Variants in SMAP1 observed in about 807,000 individuals in gnomAD.
SMAP1 encodes the protein small ArfGAP 1.
In SMAP1, 24 loss-of-function variants were observed where a neutral mutation model predicts 58.5. The ratio of observed to expected loss-of-function variants is 0.41; its 90% confidence interval spans 0.30 to 0.58. SMAP1 has a LOEUF of 0.58. Among genes scored for constraint, SMAP1 ranks in the 20% least tolerant of loss-of-function variants. SMAP1 has a pLI of 0.29. For missense variants in SMAP1, 563 were observed against 566.3 expected, an observed-to-expected ratio of 0.99 and a Z score of 0.06; for synonymous variants, 216 against 196.6, an observed-to-expected ratio of 1.10 and a Z score of -0.82.
chr6:70,781,069 A>G (rs191826954), intron 4 of SMAP1, among the ~76,000 whole-genome samples: 13 of 152,310 alleles, frequency 8.5e-5, no homozygotes, highest in Non-Finnish European at 1.5e-4. Flanking sequence ...AAGAGTTTAT[A>G]TCATTGGAGA....
At chr6:70,753,383 T>C (rs1237323544) in intron 2 of SMAP1, among the ~76,000 whole-genome samples, 3 of 152,202 alleles carry the variant, frequency 2.0e-5, no homozygotes, top group Non-Finnish European at 4.4e-5. Context: ...TCTGAATTAC[T>C]TTTTGCTTCA....
At chr6:70,804,090 T>C (rs939131318) in intron 6 of SMAP1, among the ~76,000 whole-genome samples, 1 of 152,190 alleles carries the variant, frequency 6.6e-6, no homozygotes, top group Non-Finnish European at 1.5e-5. Flanking sequence ...CAGTGGGGTG[T>C]TAAAGTCTCC....
At chr6:70,836,409 C>A (rs949062645) in intron 6 of SMAP1, among the ~76,000 whole-genome samples, 1 of 152,088 alleles carries the variant, frequency 6.6e-6, no homozygotes, top group Non-Finnish European at 1.5e-5. Context: ...TCCCACAACA[C>A]ATGGGAATTA....
chr6:70,710,636 T>C (rs1467336211), intron 1 of SMAP1, among the ~76,000 whole-genome samples: 1 of 152,130 alleles, frequency 6.6e-6, no homozygotes, highest in Non-Finnish European at 1.5e-5. Context: ...GACATTACTG[T>C]AGGCTTTGTA....
chr6:70,698,130 A>G (rs772432472), intron 1 of SMAP1, among the ~76,000 whole-genome samples: 1 of 152,080 alleles, frequency 6.6e-6, no homozygotes, highest in African/African-American at 2.4e-5. Flanking sequence ...TTGTCTGGCA[A>G]TGTCTTTATT....
chr6:70,764,079 AT>A (rs796149089), intron 3 of SMAP1, among the ~76,000 whole-genome samples: 222 of 142,812 alleles, frequency 1.6e-3, no homozygotes, highest in Middle Eastern at 3.7e-3. Flanking sequence ...TGCCCAGCTA[AT>A]TTTTTTTTTT....
At chr6:70,706,834 T>G (rs1767859542) in intron 1 of SMAP1, among the ~76,000 whole-genome samples, 1 of 152,190 alleles carries the variant, frequency 6.6e-6, no homozygotes, top group African/African-American at 2.4e-5. Context: ...GGATCTAGAA[T>G]TCACGAATAA....
chr6:70,680,712 GTTTTTTTTTTTT>G (rs34867967), intron 1 of SMAP1, among the ~76,000 whole-genome samples: 3 of 78,980 alleles, frequency 3.8e-5, no homozygotes, highest in Non-Finnish European at 6.7e-5. Context: ...TGGATTTCCT[GTTTTTTTTTTTT>G]TTTTTTTTTT....
intron 1 of SMAP1, among the ~76,000 whole-genome samples, chr6:70,697,041 C>T (rs1157758929): frequency 2.6e-5 from 4 of 152,122 alleles, no homozygotes; most frequent in African/African-American, 9.7e-5. Context: ...CCAATATAAG[C>T]TACTCCTGCT....
intron 10 of SMAP1, chr6:70,859,141 A>G (rs1562207927): frequency 7.8e-6 from 4 of 511,014 alleles, no homozygotes; most frequent in Admixed American, 3.7e-5. Flanking sequence ...CAATCACTAT[A>G]TATCACAGTT....
At position 70,820,655 on chromosome 6, in the gene SMAP1, G is replaced by A. The variant is rs186801014; in HGVS notation, c.577-16286G>A. On this transcript the variant is annotated intron_variant, in intron 6 of 10. Coordinates refer to ENST00000370455, the MANE Select transcript of SMAP1 (RefSeq NM_001044305.3). ...CAGGAGGCTGAGGTTGTAGTGAACC[G>A]AGATCGTGCCACTGCACTCCAGCCT... Among the ~76,000 whole-genome samples the A allele has an allele frequency of 2.2e-3, 336 of 151,620 alleles. 5 individuals are homozygous for A. Among genetic ancestry groups the A allele is most frequent in the Admixed American group, 0.018 (272 of 15,220 alleles).
At chr6:70,738,724 A>G (rs1466340751) in intron 2 of SMAP1, among the ~76,000 whole-genome samples, 1 of 152,210 alleles carries the variant, frequency 6.6e-6, no homozygotes, top group African/African-American at 2.4e-5. Context: ...CCAAATACAG[A>G]GTGAACAGGC....
intron 1 of SMAP1, among the ~76,000 whole-genome samples, chr6:70,678,903 G>C (rs530499853): frequency 6.6e-6 from 1 of 152,080 alleles, no homozygotes; most frequent in Non-Finnish European, 1.5e-5. Context: ...TGCCATCTCA[G>C]TGTCCTTAAG....
intron 6 of SMAP1, among the ~76,000 whole-genome samples, chr6:70,804,228 A>G (rs112009692): frequency 6.6e-6 from 1 of 150,990 alleles, no homozygotes; most frequent in South Asian, 2.1e-4. Flanking sequence ...TGATCCCTTT[A>G]CCGTTATGTA....
chr6:70,860,150 A>T, intron 10 of SMAP1, 50 bp from the exon 11 acceptor site: 1 of 1,527,558 alleles, frequency 6.5e-7, no homozygotes, highest in Non-Finnish European at 8.8e-7. Context: ...AGAAACAAGA[A>T]TTAAAAGTGA....
intron 4 of SMAP1, among the ~76,000 whole-genome samples, chr6:70,782,638 A>G (rs1314191489): frequency 6.6e-6 from 1 of 152,184 alleles, no homozygotes; most frequent in East Asian, 1.9e-4. Flanking sequence ...TTCAGCTTGC[A>G]GACAGCCTAT....
At chr6:70,740,683 G>T (rs980192919) in intron 2 of SMAP1, among the ~76,000 whole-genome samples, 7 of 152,152 alleles carry the variant, frequency 4.6e-5, no homozygotes, top group African/African-American at 1.4e-4. Context: ...GTTTGTAGGG[G>T]CTAGACTGTC....
chr6:70,840,688 AATT>A (rs1770768871), intron 7 of SMAP1, among the ~76,000 whole-genome samples: 1 of 152,218 alleles, frequency 6.6e-6, no homozygotes, highest in Admixed American at 6.5e-5. Flanking sequence ...TTTAGATATT[AATT>A]TGTGTTTGAA....
At chr6:70,800,592 G>A (rs1582213964) in intron 6 of SMAP1, among the ~76,000 whole-genome samples, 1 of 152,096 alleles carries the variant, frequency 6.6e-6, no homozygotes, top group African/African-American at 2.4e-5. Flanking sequence ...AGGTATACAT[G>A]TGCCATGTTG....
Sources: gnomAD v4.1 joint callset for allele counts (sites outside exome capture counted in the v4.1 genomes callset) on GRCh38, gnomAD v4.1.1 for gene constraint, MANE v1.5 for transcripts, NCBI Gene and HGNC (gene_info 2026-07-23, HGNC 2026-07-21) for gene names.